The following PHF23 variants were observed in gnomAD, a reference collection of about 807,000 sequenced individuals.
PHF23 encodes PDH-containing protein JUNE-1.
PHF23 carries 3 observed loss-of-function variants against 36.0 expected under a neutral mutation model. That is an observed-to-expected ratio of 0.08 (90% CI 0.04 to 0.22). The LOEUF is 0.22. PHF23 is among the 10% of genes least tolerant of loss of function. The pLI is 1.00. For synonymous variants in PHF23, 242 were observed against 192.5 expected (o/e 1.26, Z -2.13); for missense variants, 475 against 513.6 (o/e 0.92, Z 0.73).
chr17:7,235,367 G>T lies in PHF23; in HGVS notation c.*259C>A, dbSNP rs1023586492. Reference sequence around the variant, plus strand: ...CTGACCCAGAAAGTGATGGTGGCAGGTCCAAGAGACAGAGATTATGTGTCG... The same window carrying T: ...CTGACCCAGAAAGTGATGGTGGCAGTTCCAAGAGACAGAGATTATGTGTCG... On this transcript the variant is annotated 3_prime_UTR_variant, in exon 5 of 5. Coordinates refer to ENST00000320316, the MANE Select transcript of PHF23 (RefSeq NM_024297.3). The T allele has an allele frequency of 5.9e-6, 3 of 511,496 alleles. No individual in the cohort carries two copies. In the South Asian group the frequency reaches 6.3e-5, roughly 11 times the overall value. The allele number at this position is 511,496 out of a possible 1,614,324, so 31.7% of individuals were successfully genotyped here. A position where few individuals can be genotyped will look rare whatever the true frequency, so the allele number is the denominator to read the frequency against.
At chr17:7,238,294 C>T (rs1306369863) in intron 1 of PHF23, 1 of 108,074 alleles carries the variant, frequency 9.3e-6, no homozygotes, top group Non-Finnish European at 2.0e-5. Context: ...TGCCCCCCCC[C>T]CCCCGCCCAT....
chr17:7,235,304 T>TA lies in PHF23; in HGVS notation c.*321_*322insT. 1 of 368,414 alleles carries TA rather than the reference T, an allele frequency of 2.7e-6. No individual in the cohort carries two copies. The highest frequency in any genetic ancestry group is 2.8e-5 in the South Asian group (1 of 36,010). 22.8% of individuals were successfully genotyped at this position (368,414 alleles called of 1,614,324 possible). A position where few individuals can be genotyped will look rare whatever the true frequency, so the allele number is the denominator to read the frequency against. ...GGAGTGCTAATATTTACACTAGAGT[T>TA]TTATAGACAACTGTCCCATTCCATC... On this transcript the variant is annotated 3_prime_UTR_variant, in exon 5 of 5. Coordinates refer to ENST00000320316, the MANE Select transcript of PHF23 (RefSeq NM_024297.3).
intron 1 of PHF23, 145 bp from the exon 2 acceptor site, chr17:7,237,805 C>G: frequency 1.1e-6 from 1 of 895,254 alleles, no homozygotes; most frequent in Non-Finnish European, 1.7e-6. Context: ...GTTGGATCCG[C>G]CCCGGCTCCC....
Position 7,237,448 on chromosome 17 carries a change from C to G in PHF23, c.96G>C (p.Glu32Asp). The change falls in exon 3 of 5, where the codon GAG becomes GAC. Residue 32 changes from glutamate to aspartate, a missense_variant. This residue lies in a region of PHF23 where 54 missense variants were observed against 42.0 expected (regional missense o/e 1.28). Coordinates refer to ENST00000320316, the MANE Select transcript of PHF23 (RefSeq NM_024297.3). ...QPPEKRRRTI[E>D]DFNKFCSFVL... is the part of the protein sequence containing the mutation. ...CAAAACTGCAGAATTTGTTGAAATCCTCAATTGTTCTCCGCCGTTTCTCTG... is the reference window on the plus strand; with the variant it reads ...CAAAACTGCAGAATTTGTTGAAATCGTCAATTGTTCTCCGCCGTTTCTCTG... The G allele has an allele frequency of 6.2e-7, 1 of 1,614,044 alleles. No homozygotes were observed. The highest frequency in any genetic ancestry group is 8.5e-7 in the Non-Finnish European group (1 of 1,179,988).
chr17:7,236,661 G>C lies in PHF23; in HGVS notation c.266C>G (p.Thr89Ser). 1.9e-6 allele frequency: 3 copies of C among 1,614,142 alleles called. No homozygotes were observed. Among genetic ancestry groups the C allele is most frequent in the Non-Finnish European group, 2.5e-6 (3 of 1,180,032 alleles). Residue 89 changes from threonine (T) to serine (S), a missense_variant, in exon 4 of 5, where the codon ACT becomes AGT. This residue lies in a region of PHF23 where 350 missense variants were observed against 319.8 expected (regional missense o/e 1.09). Coordinates refer to ENST00000320316, the MANE Select transcript of PHF23 (RefSeq NM_024297.3). The surrounding 1 kb of genome is among the most constrained non-coding windows in gnomAD (Gnocchi z 5.1). ...SAPSDLRTIQTFVKKAKSSKR... is the reference protein window; with the variant it reads ...SAPSDLRTIQSFVKKAKSSKR... Reference sequence around the variant, plus strand: ...GGATGACTTTGCTTTCTTAACAAAAGTCTGGATGGTTCGAAGATCTGAGGG... The same window carrying C: ...GGATGACTTTGCTTTCTTAACAAAACTCTGGATGGTTCGAAGATCTGAGGG...
chr17:7,239,020 A>G, intron 1 of PHF23: 1 of 1,427,944 alleles, frequency 7.0e-7, no homozygotes, highest in African/African-American at 1.4e-5. Context: ...TCAAGCTCCT[A>G]TCCCCCGCAC....
rs746922878 is a variant in PHF23, at chr17:7,236,164, C to T, written c.763G>A (p.Glu255Lys). 10 of 1,608,552 alleles carry T rather than the reference C, an allele frequency of 6.2e-6. No homozygotes were observed. The Middle Eastern group carries it at 1.0e-3, about 160-fold the overall frequency. Residue 255 changes from glutamate to lysine, a missense_variant, in exon 4 of 5, where the codon GAA (glutamate) becomes AAA (lysine). Physicochemically the swap from Glu to Lys is moderately conservative, Grantham distance 56 (BLOSUM62 1). Around this residue, in one of 5 missense-constraint regions of PHF23, gnomAD observed 350 missense variants for 319.8 expected, o/e 1.09. Transcript: ENST00000320316. The surrounding 1 kb of genome is among the most constrained non-coding windows in gnomAD (Gnocchi z 5.1). Reference protein sequence around the residue: ...TDSEEEEEEEEEEEEEEMATV... With the variant: ...TDSEEEEEEEKEEEEEEMATV... ...GCCATCTCTTCTTCTTCTTCCTCTT[C>T]CTCCTCTTCCTCCTCCTCTTCAGAG...
At chr17:7,237,811 C>A in intron 1 of PHF23, 151 bp from the exon 2 acceptor site, 3 of 863,860 alleles carry the variant, frequency 3.5e-6, no homozygotes, top group Non-Finnish European at 5.4e-6. Flanking sequence ...TCCGCCCCGG[C>A]TCCCCCTTCC....
Position 7,235,701 on chromosome 17 carries a change from A to G in PHF23, c.1137T>C (p.Phe379=), listed in dbSNP as rs2071643270. 1 of 1,614,162 alleles carries G rather than the reference A, an allele frequency of 6.2e-7. No individual in the cohort carries two copies. Among genetic ancestry groups the G allele is most frequent in the East Asian group, 2.2e-5 (1 of 44,880 alleles). Residue 379 remains phenylalanine, a synonymous_variant, in exon 5 of 5, where the codon TTT becomes TTC. Coordinates refer to ENST00000320316, the MANE Select transcript of PHF23 (RefSeq NM_024297.3). Reference sequence around the variant, plus strand: ...TCAGTTCCTTGCATTTCTGGCAATAAAAGAAGTCGGGGACGTTGGTCTTCT... The same window carrying G: ...TCAGTTCCTTGCATTTCTGGCAATAGAAGAAGTCGGGGACGTTGGTCTTCT... ...KIKKTNVPDF[F]YCQKCKELRP...
intron 1 of PHF23, chr17:7,238,699 G>A (rs1567583481): frequency 1.9e-5 from 24 of 1,285,002 alleles, no homozygotes; most frequent in Non-Finnish European, 2.3e-5. Context: ...TTCCTGGCTC[G>A]CTCTCTCCAC....
At position 7,236,358 on chromosome 17, in the gene PHF23, G is replaced by A. The variant is rs2071666549; in HGVS notation, c.569C>T (p.Pro190Leu). ...KKDRKNRKLG[P>L]GAGAGFGVLR... Reference sequence around the variant, plus strand: ...CACCCCAAAGCCAGCCCCAGCTCCTGGCCCCAACTTTCGGTTCTTTCGGTC... The same window carrying A: ...CACCCCAAAGCCAGCCCCAGCTCCTAGCCCCAACTTTCGGTTCTTTCGGTC... Residue 190 changes from proline (P) to leucine (L), a missense_variant, in exon 4 of 5, where the codon CCA becomes CTA. Pro to Leu is a moderately conservative substitution (Grantham distance 98). Transcript: ENST00000320316. The surrounding 1 kb of genome is among the most constrained non-coding windows in gnomAD (Gnocchi z 5.1). The A allele has an allele frequency of 6.2e-7, 1 of 1,614,166 alleles. No homozygotes were observed. Among genetic ancestry groups the A allele is most frequent in the Non-Finnish European group, 8.5e-7 (1 of 1,180,036 alleles).
In PHF23 at chr17:7,239,258, G is replaced by T; in HGVS notation, c.22C>A (p.Pro8Thr). The change falls in exon 1 of 5, where the codon CCC (proline) becomes ACC (threonine). Residue 8 changes from proline (P) to threonine (T), a missense_variant. This residue lies in a region of PHF23 where 54 missense variants were observed against 42.0 expected (regional missense o/e 1.28). Transcript: ENST00000320316. MLEAMAE[P>T]SPEDPPPTLK... The stretch of plus-strand genomic sequence containing the variant: ...GTCGAGAGCTCACCTTCGGGACTGG[G>T]CTCCGCCATGGCTTCCAGCATCGCC... 1 of 1,540,866 alleles carries T rather than the reference G, an allele frequency of 6.5e-7. No homozygotes were observed. The highest frequency in any genetic ancestry group is 8.9e-7 in the Non-Finnish European group (1 of 1,125,304).
chr17:7,239,805 G>A (rs1378599310), upstream of PHF23: 1 of 152,586 alleles, frequency 6.6e-6, no homozygotes, highest in East Asian at 1.9e-4. Context: ...GAGGAAGAAG[G>A]GATTAGAACT....
Position 7,236,318 on chromosome 17 carries a change from C to G in PHF23, c.609G>C (p.Arg203=). The part of the protein sequence containing the change: ...GAGFGVLRRP[R]PTPGDGEKRS... ...TCTTTTCCCCATCCCCAGGAGTTGGCCGAGGCCTCCGAAGCACCCCAAAGC... is the reference window on the plus strand; with the variant it reads ...TCTTTTCCCCATCCCCAGGAGTTGGGCGAGGCCTCCGAAGCACCCCAAAGC... The change falls in exon 4 of 5, where the codon CGG becomes CGC. Residue 203 remains arginine, a synonymous_variant. Transcript: ENST00000320316. The surrounding 1 kb of genome is among the most constrained non-coding windows in gnomAD (Gnocchi z 5.1). 6.2e-7 allele frequency: 1 copy of G among 1,614,094 alleles called. No individual in the cohort carries two copies. Among genetic ancestry groups the G allele is most frequent in the Non-Finnish European group, 8.5e-7 (1 of 1,179,998 alleles).
In PHF23 at chr17:7,237,270, C is replaced by A; in HGVS notation, c.159+115G>T. ...CCTAAGAGTCTCCAACTTCCCTGGT[C>A]TTACATATAATTTCTAAGGGCCTCC... On this transcript the variant is annotated intron_variant, in intron 3 of 4. Coordinates refer to ENST00000320316, the MANE Select transcript of PHF23 (RefSeq NM_024297.3). The A allele has an allele frequency of 4.2e-6, 4 of 961,610 alleles. No individual in the cohort carries two copies. In the East Asian group the frequency reaches 9.6e-5, roughly 23 times the overall value. The allele number at this position is 961,610 out of a possible 1,614,324, so 59.6% of individuals were successfully genotyped here.
intron 1 of PHF23, 79 bp from the exon 2 acceptor site, chr17:7,237,739 A>G (rs1386986248): frequency 6.5e-7 from 1 of 1,528,590 alleles, no homozygotes; most frequent in Non-Finnish European, 9.1e-7. Flanking sequence ...CGTTGTTCCT[A>G]AGTGAACCCC....
At position 7,238,899 on chromosome 17, in the gene PHF23, C is replaced by A; in HGVS notation, c.34+347G>T. ...CGGGCCCCTCACTCAGCCTCTTCTACGTCCTCCCTCCTGAGCAACTCTCCG... is the reference window on the plus strand; with the variant it reads ...CGGGCCCCTCACTCAGCCTCTTCTAAGTCCTCCCTCCTGAGCAACTCTCCG... On this transcript the variant is annotated intron_variant, in intron 1 of 4. Coordinates refer to ENST00000320316, the MANE Select transcript of PHF23 (RefSeq NM_024297.3). The A allele has an allele frequency of 2.6e-6, 4 of 1,532,526 alleles. No individual in the cohort carries two copies. The South Asian group carries it at 3.6e-5, about 14-fold the overall frequency. The allele number at this position is 1,532,526 out of a possible 1,614,324, so 94.9% of individuals were successfully genotyped here.
Position 7,237,749 on chromosome 17 carries a change from C to G in PHF23, c.35-89G>C. 4 of 1,469,124 alleles carry G rather than the reference C, an allele frequency of 2.7e-6. No homozygotes were observed. The South Asian group carries it at 4.6e-5, about 17-fold the overall frequency. The allele number at this position is 1,469,124 out of a possible 1,614,324, so 91.0% of individuals were successfully genotyped here. On this transcript the variant is annotated intron_variant, in intron 1 of 4. Coordinates refer to ENST00000320316, the MANE Select transcript of PHF23 (RefSeq NM_024297.3). ...AACCCCGTTGTTCCTAAGTGAACCC[C>G]CTGCTCTCCCAGGTCCCTCTGCCAG...
chr17:7,238,960 C>T, intron 1 of PHF23: 1 of 1,487,702 alleles, frequency 6.7e-7, no homozygotes, highest in South Asian at 1.3e-5. Flanking sequence ...GTTCCAGGGC[C>T]CCAATCTGCC....
Sources: gnomAD v4.1 joint callset for allele counts on GRCh38, gnomAD v4.1.1 for gene constraint, gnomAD v4.1.1 regional missense constraint, Gnocchi (gnomAD v3.1) non-coding constraint, MANE v1.5 for transcripts, NCBI Gene and HGNC (gene_info 2026-07-23, HGNC 2026-07-21) for gene names.